MKKS: variants seen among roughly 807,000 people sequenced by gnomAD.
MKKS encodes MKKS centrosomal shuttling protein.
MKKS carries 29 observed loss-of-function variants against 33.2 expected under a neutral mutation model. The observed-to-expected ratio is 0.87, with a 90% CI of 0.65 to 1.19. The LOEUF (loss-of-function observed/expected upper bound fraction) is 1.19. MKKS is among the 50% of genes most tolerant of loss of function. The pLI, the probability that MKKS is intolerant of heterozygous loss-of-function variation, is 0.00. For synonymous variants in MKKS, 260 were observed against 244.0 expected (o/e 1.07, Z -0.61); for missense variants, 661 against 662.3 (o/e 1.00, Z 0.02).
In MKKS at chr20:10,420,573, A is replaced by C. The variant is rs929365616; in HGVS notation, c.-463T>G. On this transcript the variant is annotated 5_prime_UTR_variant, in exon 2 of 6. Coordinates refer to ENST00000347364, the MANE Select transcript of MKKS (RefSeq NM_170784.3). ...ACTTCCCCTGGATTTGGCTCTTCTGAAGATTTGAAAGTCCCAGACTATCTT... is the reference window on the plus strand; with the variant it reads ...ACTTCCCCTGGATTTGGCTCTTCTGCAGATTTGAAAGTCCCAGACTATCTT... 3.3e-5 allele frequency: 5 copies of C among 152,200 alleles called. No homozygotes were observed. The South Asian group carries it at 8.3e-4, about 25-fold the overall frequency. The allele number at this position is 152,200 out of a possible 1,614,324, so 9.4% of individuals were successfully genotyped here.
chr20:10,405,084 C>T lies in MKKS; in HGVS notation c.*163G>A, dbSNP rs985771165. On this transcript the variant is annotated 3_prime_UTR_variant, in exon 6 of 6. Transcript: ENST00000347364. ...TATTGTTTCATGGCATTTCCATTCA[C>T]GAATCACCTTTTTTCCTAAATAAGT... The T allele has an allele frequency of 1.8e-5, 10 of 548,552 alleles. No homozygotes were observed. Among genetic ancestry groups the T allele is most frequent in the Admixed American group, 3.5e-5 (1 of 28,666 alleles). The allele number at this position is 548,552 out of a possible 1,614,324, so 34.0% of individuals were successfully genotyped here.
chr20:10,426,760 G>A (rs2065016987), intron 1 of MKKS, among the ~76,000 whole-genome samples: 1 of 152,098 alleles, frequency 6.6e-6, no homozygotes, highest in South Asian at 2.1e-4. Context: ...CATTTCACTT[G>A]TCCAAAATTA....
intron 1 of MKKS, among the ~76,000 whole-genome samples, chr20:10,426,711 C>CT (rs1408621011): frequency 6.6e-6 from 1 of 152,172 alleles, no homozygotes; most frequent in Non-Finnish European, 1.5e-5. Flanking sequence ...ATGTCCTTGG[C>CT]TGATTTTCAT....
chr20:10,421,182 C>T (rs1487259205), intron 1 of MKKS, among the ~76,000 whole-genome samples: 1 of 152,096 alleles, frequency 6.6e-6, no homozygotes. Context: ...GTATTCCCAG[C>T]ACTTTGGGAG....
At chr20:10,432,714 T>C (rs973972272) in intron 1 of MKKS, among the ~76,000 whole-genome samples, 9 of 143,296 alleles carry the variant, frequency 6.3e-5, no homozygotes, top group Non-Finnish European at 1.2e-4. Flanking sequence ...GAGAATTGCT[T>C]GAACCCGGGA....
chr20:10,419,767 T>C (rs1348923575), intron 2 of MKKS, among the ~76,000 whole-genome samples: 1 of 152,196 alleles, frequency 6.6e-6, no homozygotes, highest in African/African-American at 2.4e-5. Context: ...ATGACTCACA[T>C]CCTGCGTGGA....
In MKKS at chr20:10,427,029, GACACACACACACACACACAC is replaced by G. The variant is rs377703248; in HGVS notation, c.-648-6291_-648-6272del. Among the ~76,000 whole-genome samples, 7 of 130,786 alleles carry G rather than the reference GACACACACACACACACACAC, an allele frequency of 5.4e-5. No individual in the cohort carries two copies. In the East Asian group the frequency reaches 7.8e-4, roughly 15 times the overall value. The allele number at this position is 130,786 out of a possible 152,430, so 85.8% of individuals were successfully genotyped here. On this transcript the variant is annotated intron_variant, in intron 1 of 5. Transcript: ENST00000347364. Reference sequence around the variant, plus strand: ...TTAAAGGCCAAGAAAAGAAAACACTGACACACACACACACACACACACACACACACACACACACACACACA... The same window carrying G: ...TTAAAGGCCAAGAAAAGAAAACACTGACACACACACACACACACACACACA...
intron 3 of MKKS, among the ~76,000 whole-genome samples, chr20:10,410,224 C>T (rs1181821553): frequency 6.6e-6 from 1 of 152,154 alleles, no homozygotes; most frequent in Non-Finnish European, 1.5e-5. Flanking sequence ...TACTGCTTAT[C>T]AGCCACTGGA....
chr20:10,430,453 T>C (rs889281097), intron 1 of MKKS, among the ~76,000 whole-genome samples: 5 of 152,208 alleles, frequency 3.3e-5, no homozygotes, highest in Admixed American at 6.5e-5. Flanking sequence ...TTAGCTATTA[T>C]TATTTTGATT....
Position 10,413,408 on chromosome 20 carries a change from CATG to C in MKKS, c.104_106del (p.Ser35del). Reference sequence around the variant, plus strand: ...CTTCAGCCTACCTGAGGGGCCATAGCATGATGTTACAATTCTTTTCAAGACAGA... The same window carrying C: ...CTTCAGCCTACCTGAGGGGCCATAGCATGTTACAATTCTTTTCAAGACAGA... On this transcript the variant is annotated inframe_deletion, in exon 3 of 6. Coordinates refer to ENST00000347364, the MANE Select transcript of MKKS (RefSeq NM_170784.3). 1 of 1,613,162 alleles carries C rather than the reference CATG, an allele frequency of 6.2e-7. No individual in the cohort carries two copies. Among genetic ancestry groups the C allele is most frequent in the African/African-American group, 1.3e-5 (1 of 75,020 alleles).
At chr20:10,412,362 T>G (rs1193078740) in intron 3 of MKKS, among the ~76,000 whole-genome samples, 168 bp downstream of exon 3, 1 of 152,192 alleles carries the variant, frequency 6.6e-6, no homozygotes, top group East Asian at 1.9e-4. Context: ...ATTTTTAGTA[T>G]GTGAACAATA....
chr20:10,405,156 C>CTA lies in MKKS; in HGVS notation c.*90_*91insTA, dbSNP rs1439858467. The CTA allele has an allele frequency of 2.9e-6, 3 of 1,045,350 alleles. No homozygotes were observed. The highest frequency in any genetic ancestry group is 3.2e-5 in the African/African-American group (2 of 62,146). 64.8% of individuals were successfully genotyped at this position (1,045,350 alleles called of 1,614,324 possible). ...ATTTGTCCAAATATGTAGAACAGGG[C>CTA]TTTGGGAGAAAACAAATACACTCAC... On this transcript the variant is annotated 3_prime_UTR_variant, in exon 6 of 6. Coordinates refer to ENST00000347364, the MANE Select transcript of MKKS (RefSeq NM_170784.3).
intron 2 of MKKS, among the ~76,000 whole-genome samples, chr20:10,419,369 T>C (rs895493764): frequency 3.3e-5 from 5 of 152,090 alleles, no homozygotes; most frequent in Non-Finnish European, 7.4e-5. Context: ...ACATAATCAA[T>C]ATAATCATAA....
chr20:10,409,462 TATGAATAA>T (rs1327664389), intron 3 of MKKS, among the ~76,000 whole-genome samples: 1 of 152,104 alleles, frequency 6.6e-6, no homozygotes, highest in Non-Finnish European at 1.5e-5. Flanking sequence ...CAAGTAAAAA[TATGAATAA>T]AGAAGTTAGC....
rs1334961999 is a variant in MKKS, at chr20:10,413,340, G to A, written c.175C>T (p.Gln59Ter). 1 of 1,614,160 alleles carries A rather than the reference G, an allele frequency of 6.2e-7. No homozygotes were observed. Among genetic ancestry groups the A allele is most frequent in the East Asian group, 2.2e-5 (1 of 44,880 alleles). The change falls in exon 3 of 6, where the codon CAG (glutamine) becomes TAG (stop). Residue 59 changes from glutamine to a stop codon, truncating the protein, a stop_gained. Transcript: ENST00000347364. LOFTEE classifies it high-confidence loss of function. ...AGGTGACTGAGCAGAGCTGAGGACT[G>A]TGAGGTTGTACACACGTAACCTCCA... Reference protein sequence around the residue: ...GFGGYVCTTSQSSALLSHLLV... With the variant: ...GFGGYVCTTS
At chr20:10,429,589 C>T (rs989743971) in intron 1 of MKKS, among the ~76,000 whole-genome samples, 3 of 152,150 alleles carry the variant, frequency 2.0e-5, no homozygotes, top group Admixed American at 6.5e-5. Flanking sequence ...TTTCCTGTTT[C>T]GTTAACAAAA....
intron 1 of MKKS, among the ~76,000 whole-genome samples, chr20:10,421,416 CAAAAAA>C (rs57038274): frequency 1.2e-5 from 1 of 86,120 alleles, no homozygotes; most frequent in African/African-American, 3.7e-5. Flanking sequence ...GACTCCATCA[CAAAAAA>C]AAAAAAAAAA....
Position 10,404,012 on chromosome 20 carries a change from C to T in MKKS, c.*1235G>A, listed in dbSNP as rs2064824732. On this transcript the variant is annotated 3_prime_UTR_variant, in exon 6 of 6. Coordinates refer to ENST00000347364, the MANE Select transcript of MKKS (RefSeq NM_170784.3). Reference sequence around the variant, plus strand: ...TCATGGCTATAGATCTGATCATTGACTATTAGGTTGGTTTGTTTCCCAAAA... The same window carrying T: ...TCATGGCTATAGATCTGATCATTGATTATTAGGTTGGTTTGTTTCCCAAAA... 6.6e-6 allele frequency: 1 copy of T among 152,134 alleles called. No individual in the cohort carries two copies. The highest frequency in any genetic ancestry group is 2.1e-4 in the South Asian group (1 of 4,830). The allele number at this position is 152,134 out of a possible 1,614,324, so 9.4% of individuals were successfully genotyped here.
rs556909696 is a variant in MKKS, at chr20:10,418,392, G to A, written c.-418+2136C>T. Among the ~76,000 whole-genome samples, 30 of 152,238 alleles carry A rather than the reference G, an allele frequency of 2.0e-4. No homozygotes were observed. The South Asian group carries it at 6.2e-3, about 32-fold the overall frequency. On this transcript the variant is annotated intron_variant, in intron 2 of 5. Transcript: ENST00000347364. ...ATATACTATCCTCTCTTTATCTTGAGGCATGTATGTAATTTTCCATAATGA... is the reference window on the plus strand; with the variant it reads ...ATATACTATCCTCTCTTTATCTTGAAGCATGTATGTAATTTTCCATAATGA...
Sources: gnomAD v4.1 joint callset for allele counts (sites outside exome capture counted in the v4.1 genomes callset) on GRCh38, gnomAD v4.1.1 for gene constraint, MANE v1.5 for transcripts, NCBI Gene and HGNC (gene_info 2026-07-23, HGNC 2026-07-21) for gene names.